The following CSE1L variants were observed in gnomAD, a reference collection of about 807,000 sequenced individuals.
CSE1L encodes the protein chromosome segregation 1 like, also known as exportin-2.
Under a neutral mutation model 120.4 loss-of-function variants are expected in CSE1L, and 24 were observed. That is an observed-to-expected ratio of 0.20 (90% CI 0.14 to 0.28). The LOEUF (loss-of-function observed/expected upper bound fraction) is 0.28. Among genes scored for constraint, CSE1L ranks in the 10% least tolerant of loss-of-function variants. The probability of loss-of-function intolerance (pLI) is 1.00; values close to 1 mark genes in which losing one functional copy is unlikely to be tolerated. For synonymous variants in CSE1L, 402 were observed against 398.3 expected (o/e 1.01, Z -0.11); for missense variants, 830 against 1,145.2 (o/e 0.72, Z 3.97).
intron 22 of CSE1L, 47 bp from the exon 23 acceptor site, chr20:49,094,093 A>G: frequency 8.4e-7 from 1 of 1,184,356 alleles, no homozygotes; most frequent in Non-Finnish European, 1.2e-6. Flanking sequence ...TTACTATTTC[A>G]TTATAGTGAT....
At position 49,081,198 on chromosome 20, in the gene CSE1L, G is replaced by C. The variant is rs1052665132; in HGVS notation, c.1482+2576G>C. Among the ~76,000 whole-genome samples, 3 of 152,112 alleles carry C rather than the reference G, an allele frequency of 2.0e-5. No individual in the cohort carries two copies. The East Asian group carries it at 5.8e-4, about 30-fold the overall frequency. ...AGGGTTTCACCATGTTGGCCAGACT[G>C]GTCTCAAACTCCTGACCTCAGGTGA... On this transcript the variant is annotated intron_variant, in intron 14 of 24. Transcript: ENST00000262982.
chr20:49,095,717 A>G (rs1413103321), intron 24 of CSE1L, among the ~76,000 whole-genome samples: 2 of 152,092 alleles, frequency 1.3e-5, no homozygotes, highest in Non-Finnish European at 2.9e-5. Context: ...GAGTTCTTAC[A>G]TGTTACCTGA....
rs2123668269 is a variant in CSE1L at position 49,058,493 on chromosome 20, A to G, written c.30A>G (p.Thr10=). 5 of 1,613,890 alleles carry G rather than the reference A, an allele frequency of 3.1e-6. No individual in the cohort carries two copies. Among genetic ancestry groups the G allele is most frequent in the Non-Finnish European group, 4.2e-6 (5 of 1,179,866 alleles). The change falls in exon 2 of 25, where the codon ACA becomes ACG. Residue 10 remains threonine, a synonymous_variant. Transcript: ENST00000262982. ...AACTCAGCGATGCAAATCTGCAAAC[A>G]CTAACAGAATATTTAAAGAAAACAC... The part of the protein sequence containing the change: MELSDANLQ[T]LTEYLKKTLD...
chr20:49,082,974 C>T (rs7275035), intron 14 of CSE1L, among the ~76,000 whole-genome samples: 1,924 of 152,096 alleles, frequency 0.013, 43 homozygotes, highest in African/African-American at 0.044. Flanking sequence ...CATGCTCCAC[C>T]GTACCCACCT....
chr20:49,077,208 G>A (rs552618118), intron 13 of CSE1L, 144 bp downstream of exon 13: 9 of 529,408 alleles, frequency 1.7e-5, no homozygotes, highest in Non-Finnish European at 2.3e-5. Flanking sequence ...TACCCAGGCT[G>A]GAGTGCAGTG....
intron 1 of CSE1L, among the ~76,000 whole-genome samples, chr20:49,048,836 T>C (rs759607326): frequency 1.3e-5 from 2 of 152,206 alleles, no homozygotes; most frequent in Non-Finnish European, 2.9e-5. Context: ...CCAGATAGTT[T>C]TCATTCATTG....
intron 17 of CSE1L, among the ~76,000 whole-genome samples, chr20:49,088,910 A>C (rs949630628): frequency 1.3e-5 from 2 of 152,188 alleles, no homozygotes; most frequent in African/African-American, 4.8e-5. Context: ...GGGGATTATC[A>C]GTAAGTAGAC....
rs1004053124 is a variant in CSE1L, at chr20:49,057,228, T to C, written c.-11-1225T>C. Among the ~76,000 whole-genome samples the C allele has an allele frequency of 7.2e-5, 11 of 152,150 alleles. No homozygotes were observed. In the East Asian group the frequency reaches 1.9e-3, roughly 27 times the overall value. ...TTTTTGGTCAGTTATAAGCATATTATGTGATTTAGTTTTGTTTAAGCTTTA... is the reference window on the plus strand; with the variant it reads ...TTTTTGGTCAGTTATAAGCATATTACGTGATTTAGTTTTGTTTAAGCTTTA... On this transcript the variant is annotated intron_variant, in intron 1 of 24. Coordinates refer to ENST00000262982, the MANE Select transcript of CSE1L (RefSeq NM_001316.4).
intron 10 of CSE1L, among the ~76,000 whole-genome samples, chr20:49,074,176 A>AGGGTGTGT (rs2091952594): frequency 8.7e-6 from 1 of 115,424 alleles, no homozygotes; most frequent in Non-Finnish European, 1.7e-5. Context: ...ATACAACTGC[A>AGGGTGTGT]GTGTGTGTGT....
At chr20:49,061,483 A>T (rs2091852301) in intron 2 of CSE1L, among the ~76,000 whole-genome samples, 1 of 117,608 alleles carries the variant, frequency 8.5e-6, no homozygotes, top group Non-Finnish European at 1.8e-5. Context: ...AAAAATTATT[A>T]TTATTATTTA....
At chr20:49,088,437 G>A (rs6066963) in intron 17 of CSE1L, among the ~76,000 whole-genome samples, 108 of 152,332 alleles carry the variant, frequency 7.1e-4, no homozygotes, top group Admixed American at 2.4e-3. Context: ...AAAAGAGGCT[G>A]TCTGGACTTC....
chr20:49,086,359 C>CTTTTTTTTTT (rs10648977), intron 16 of CSE1L, among the ~76,000 whole-genome samples: 24 of 77,634 alleles, frequency 3.1e-4, no homozygotes, highest in African/African-American at 9.7e-4. Context: ...GTTTAATGTC[C>CTTTTTTTTTT]TTTTTTTTTT....
chr20:49,046,448 T>C (rs2091710902), intron 1 of CSE1L, 25 bp downstream of exon 1: 1 of 152,358 alleles, frequency 6.6e-6, no homozygotes, highest in Non-Finnish European at 1.5e-5. Context: ...GTGCACGGCC[T>C]ACCAGAGTGG....
chr20:49,081,412 G>C (rs998047140), intron 14 of CSE1L, among the ~76,000 whole-genome samples: 4 of 152,132 alleles, frequency 2.6e-5, no homozygotes, highest in Non-Finnish European at 4.4e-5. Flanking sequence ...AGCCTCCCGA[G>C]TAGCTGGAAC....
chr20:49,093,749 TCTACTAAAAATACAAAAATTTG>T (rs2092119047), intron 22 of CSE1L, among the ~76,000 whole-genome samples: 1 of 151,954 alleles, frequency 6.6e-6, no homozygotes, highest in South Asian at 2.1e-4. Context: ...AAACCCCATC[TCTACTAAAAATACAAAAATTTG>T]CCGGGCGTGG....
At chr20:49,065,586 A>ATATTTTTTT in intron 3 of CSE1L, among the ~76,000 whole-genome samples, 1 of 76,352 alleles carries the variant, frequency 1.3e-5, no homozygotes, top group South Asian at 5.1e-4. Flanking sequence ...TAAAATGGAA[A>ATATTTTTTT]TTTTTTTTTT....
chr20:49,072,648 G>T lies in CSE1L; in HGVS notation c.1017G>T (p.Thr339=), dbSNP rs569252091. 3.7e-6 allele frequency: 6 copies of T among 1,613,726 alleles called. No individual in the cohort carries two copies. The South Asian group carries it at 6.6e-5, about 18-fold the overall frequency. The change falls in exon 10 of 25, where the codon ACG becomes ACT. Residue 339 remains threonine, a synonymous_variant. Coordinates refer to ENST00000262982, the MANE Select transcript of CSE1L (RefSeq NM_001316.4). ...HYKNLFEDQN[T]LTSICEKVIV... is the part of the protein sequence containing the mutation. ...AGAATCTATTTGAGGACCAGAACACGCTGACAAGTATCTGTGAAAAGGTTA... is the reference window on the plus strand; with the variant it reads ...AGAATCTATTTGAGGACCAGAACACTCTGACAAGTATCTGTGAAAAGGTTA...
chr20:49,085,092 C>T (rs547283272), intron 15 of CSE1L, among the ~76,000 whole-genome samples, 191 bp from the exon 16 acceptor site: 16 of 152,070 alleles, frequency 1.1e-4, no homozygotes, highest in Non-Finnish European at 1.2e-4. Context: ...GTTTGGTTCT[C>T]GATGTGCCTT....
chr20:49,096,751 C>T lies in CSE1L; in HGVS notation c.*313C>T. The stretch of plus-strand genomic sequence containing the variant: ...TAAATTTTGACGGACACTGTGGAGA[C>T]TTTCTGTTACTAAATCCTTTTGTTT... On this transcript the variant is annotated 3_prime_UTR_variant, in exon 25 of 25. Transcript: ENST00000262982. The T allele has an allele frequency of 3.5e-6, 1 of 283,422 alleles. No individual in the cohort carries two copies. The highest frequency in any genetic ancestry group is 6.6e-6 in the Non-Finnish European group (1 of 150,482). 17.6% of individuals were successfully genotyped at this position (283,422 alleles called of 1,614,324 possible). A position where few individuals can be genotyped will look rare whatever the true frequency, so the allele number is the denominator to read the frequency against.
Sources: gnomAD v4.1 joint callset for allele counts (sites outside exome capture counted in the v4.1 genomes callset) on GRCh38, gnomAD v4.1.1 for gene constraint, MANE v1.5 for transcripts, NCBI Gene and HGNC (gene_info 2026-07-23, HGNC 2026-07-21) for gene names.